Variants in SEMA5A observed in about 807,000 individuals in gnomAD.
SEMA5A encodes the protein semaphorin 5A, also known as semaphorin-5A.
SEMA5A carries 55 observed loss-of-function variants against 135.5 expected under a neutral mutation model. The ratio of observed to expected loss-of-function variants is 0.41; its 90% CI spans 0.33 to 0.51. The LOEUF (loss-of-function observed/expected upper bound fraction) is 0.51. SEMA5A is among the 20% of genes least tolerant of loss of function. The pLI is 0.37. For synonymous variants in SEMA5A, 580 were observed against 546.5 expected, an observed-to-expected ratio of 1.06 and a Z score of -0.85; for missense variants, 1,290 against 1,419.9, an observed-to-expected ratio of 0.91 and a Z score of 1.47.
intron 3 of SEMA5A, among the ~76,000 whole-genome samples, chr5:9,372,181 C>A (rs376885624): frequency 6.6e-6 from 1 of 152,212 alleles, no homozygotes; most frequent in African/African-American, 2.4e-5. Context: ...CTCGAGGAAT[C>A]CTCTACTGCA....
rs2150004864 is a variant in SEMA5A, at chr5:9,035,165, C to T, written c.*7732G>A. 1 of 152,428 alleles carries T rather than the reference C, an allele frequency of 6.6e-6. No individual in the cohort carries two copies. The highest frequency in any genetic ancestry group is 1.9e-4 in the East Asian group (1 of 5,182). The allele number at this position is 152,428 out of a possible 1,614,324, so 9.4% of individuals were successfully genotyped here. A position where few individuals can be genotyped will look rare whatever the true frequency, so the allele number is the denominator to read the frequency against. On this transcript the variant is annotated 3_prime_UTR_variant, in exon 23 of 23. Coordinates refer to ENST00000382496, the MANE Select transcript of SEMA5A (RefSeq NM_003966.3). ...AATCAGGATTCCCTTGTTTTGTTCC[C>T]CCCACAAATGGCAGCTAGAGATGGT... is the stretch of plus-strand genomic sequence containing the variant.
chr5:9,064,777 A>T (rs1475833208), intron 17 of SEMA5A, among the ~76,000 whole-genome samples: 1 of 152,212 alleles, frequency 6.6e-6, no homozygotes. Flanking sequence ...TAGTCATTTA[A>T]AAAGTTATGT....
At chr5:9,205,656 T>C (rs1745973440) in intron 8 of SEMA5A, among the ~76,000 whole-genome samples, 1 of 152,224 alleles carries the variant, frequency 6.6e-6, no homozygotes, top group East Asian at 1.9e-4. Context: ...AATGCTCAAA[T>C]ACATGTTTTC....
At chr5:9,271,144 G>C (rs115874079) in intron 5 of SEMA5A, among the ~76,000 whole-genome samples, 1,667 of 152,118 alleles carry the variant, frequency 0.011, 31 homozygotes, top group African/African-American at 0.037. Flanking sequence ...ATTCTCATGA[G>C]ATCTGATGGT....
intron 5 of SEMA5A, among the ~76,000 whole-genome samples, chr5:9,273,402 T>G (rs951587848): frequency 1.3e-5 from 2 of 152,114 alleles, no homozygotes; most frequent in African/African-American, 2.4e-5. Context: ...GAAATCAAGT[T>G]GGAAAACACT....
intron 16 of SEMA5A, among the ~76,000 whole-genome samples, chr5:9,095,102 A>G (rs1245612569): frequency 1.3e-5 from 2 of 152,218 alleles, no homozygotes; most frequent in Non-Finnish European, 2.9e-5. Flanking sequence ...TTCTAAATAT[A>G]ACCTTGTATT....
chr5:9,473,383 T>TTA (rs375160174), intron 1 of SEMA5A, among the ~76,000 whole-genome samples: 21 of 79,702 alleles, frequency 2.6e-4, no homozygotes, highest in African/African-American at 8.6e-4. Flanking sequence ...CAATCAGTGG[T>TTA]AAAAAAAAAA....
intron 8 of SEMA5A, among the ~76,000 whole-genome samples, chr5:9,213,987 C>G (rs1257279625): frequency 6.6e-6 from 1 of 151,194 alleles, no homozygotes; most frequent in Admixed American, 6.6e-5. Flanking sequence ...GGGGAAAGTG[C>G]AACTTGAACA....
chr5:9,218,271 T>C (rs1159192990), intron 8 of SEMA5A, among the ~76,000 whole-genome samples: 3 of 152,222 alleles, frequency 2.0e-5, no homozygotes, highest in Non-Finnish European at 2.9e-5. Flanking sequence ...CTGTTTGTGG[T>C]ACTTTGTTTT....
intron 3 of SEMA5A, among the ~76,000 whole-genome samples, chr5:9,368,648 A>C (rs1755012873): frequency 6.6e-6 from 1 of 152,200 alleles, no homozygotes; most frequent in South Asian, 2.1e-4. Flanking sequence ...TGAGATAATG[A>C]ATACATATTC....
intron 5 of SEMA5A, among the ~76,000 whole-genome samples, chr5:9,308,360 T>C (rs1249961190): frequency 6.6e-6 from 1 of 152,114 alleles, no homozygotes; most frequent in Non-Finnish European, 1.5e-5. Flanking sequence ...GGAGAGTTGG[T>C]TATAAATCGC....
chr5:9,057,289 AC>A (rs1278470731), intron 18 of SEMA5A, among the ~76,000 whole-genome samples: 3 of 152,248 alleles, frequency 2.0e-5, no homozygotes, highest in Admixed American at 6.5e-5. Flanking sequence ...GAGTATTCTT[AC>A]CACAGCGAAA....
At chr5:9,308,411 T>C (rs1751972141) in intron 5 of SEMA5A, among the ~76,000 whole-genome samples, 1 of 152,146 alleles carries the variant, frequency 6.6e-6, no homozygotes. Flanking sequence ...CGGTTCTATA[T>C]ATGCTCTAGA....
intron 5 of SEMA5A, among the ~76,000 whole-genome samples, chr5:9,246,583 T>C (rs1748494356): frequency 6.6e-6 from 1 of 152,212 alleles, no homozygotes; most frequent in Non-Finnish European, 1.5e-5. Context: ...TGATGTAACA[T>C]TTATTCTGCA....
At chr5:9,240,071 T>C (rs569090404) in intron 5 of SEMA5A, among the ~76,000 whole-genome samples, 116 of 152,084 alleles carry the variant, frequency 7.6e-4, no homozygotes, top group Non-Finnish European at 4.9e-4. Flanking sequence ...GAAGAAAGAA[T>C]GTGAGAGTTT....
chr5:9,521,582 G>A (rs372899312), intron 1 of SEMA5A, among the ~76,000 whole-genome samples: 43 of 152,260 alleles, frequency 2.8e-4, no homozygotes, highest in East Asian at 1.7e-3. Flanking sequence ...ATTTAACACC[G>A]CTCGGTCTAT....
At chr5:9,443,067 T>A (rs1486558443) in intron 1 of SEMA5A, among the ~76,000 whole-genome samples, 1 of 152,246 alleles carries the variant, frequency 6.6e-6, no homozygotes, top group South Asian at 2.1e-4. Flanking sequence ...TTATACGCAC[T>A]GCAACCCTTT....
chr5:9,070,385 A>G (rs1054090631), intron 16 of SEMA5A, among the ~76,000 whole-genome samples: 7 of 152,048 alleles, frequency 4.6e-5, no homozygotes, highest in Non-Finnish European at 1.0e-4. Context: ...AAACAAACAA[A>G]CAAAAATCAT....
At chr5:9,150,505 T>A (rs962130377) in intron 12 of SEMA5A, among the ~76,000 whole-genome samples, 1 of 152,172 alleles carries the variant, frequency 6.6e-6, no homozygotes, top group African/African-American at 2.4e-5. Context: ...AAAACACAAT[T>A]TTTTTACTCG....
Sources: allele counts gnomAD v4.1 joint callset (sites outside exome capture counted in the v4.1 genomes callset), GRCh38; gene constraint gnomAD v4.1.1; transcripts MANE v1.5; gene names NCBI Gene and HGNC (gene_info 2026-07-23, HGNC 2026-07-21).